Variants in CASP2 observed in about 807,000 individuals in gnomAD.
CASP2 encodes caspase-2.
A neutral mutation model predicts 54.4 loss-of-function variants in CASP2; 38 were observed. The ratio of observed to expected loss-of-function variants is 0.70; its 90% confidence interval spans 0.54 to 0.92. The LOEUF (loss-of-function observed/expected upper bound fraction) is 0.92, where lower values mean the gene tolerates loss of function less well. Among genes scored for constraint, CASP2 ranks in the 40% least tolerant of loss-of-function variants. The pLI is 0.00. For missense variants in CASP2, 512 were observed against 579.6 expected (o/e 0.88, Z 1.20); for synonymous variants, 215 against 216.3 (o/e 0.99, Z 0.05).
intron 8 of CASP2, chr7:143,302,487 C>CT (rs1801944157): frequency 6.6e-6 from 1 of 152,216 alleles, no homozygotes; most frequent in South Asian, 2.1e-4. Flanking sequence ...CTCCACCCCC[C>CT]TGCCCCAGTC....
chr7:143,288,549 A>G lies in CASP2; in HGVS notation c.74+20A>G, dbSNP rs768594969. 6.2e-7 allele frequency: 1 copy of G among 1,602,476 alleles called. No individual in the cohort carries two copies. Among genetic ancestry groups the G allele is most frequent in the East Asian group, 2.2e-5 (1 of 44,822 alleles). On this transcript the variant is annotated intron_variant, in intron 1 of 10. Transcript: ENST00000310447. Reference sequence around the variant, plus strand: ...ACGCAGGTAAGTAGGGAACGGTCTTAGGGCTCCTTAGGGGAGCCCAGGGAA... The same window carrying G: ...ACGCAGGTAAGTAGGGAACGGTCTTGGGGCTCCTTAGGGGAGCCCAGGGAA...
intron 8 of CASP2, chr7:143,300,585 T>C (rs1801887063): frequency 6.9e-7 from 1 of 1,449,936 alleles, no homozygotes; most frequent in South Asian, 1.2e-5. Flanking sequence ...CTCTTACTCT[T>C]TTCTGTGCTT....
chr7:143,300,533 T>C (rs4647321), intron 8 of CASP2: 95,286 of 1,549,532 alleles, frequency 0.061, 4,015 homozygotes, highest in African/African-American at 0.21. Context: ...ATATCCTGTT[T>C]TCAGGTCTCT....
rs1801441746 is a variant in CASP2, at chr7:143,288,391, G to A, written c.-65G>A. 6.5e-6 allele frequency: 10 copies of A among 1,527,836 alleles called. No individual in the cohort carries two copies. The highest frequency in any genetic ancestry group is 1.4e-5 in the African/African-American group (1 of 73,300). 94.6% of individuals were successfully genotyped at this position (1,527,836 alleles called of 1,614,324 possible). A position where few individuals can be genotyped will look rare whatever the true frequency, so the allele number is the denominator to read the frequency against. Reference sequence around the variant, plus strand: ...GTCTGAGGGGAGGGATGTGGGGGAAGCGACGGCCCCCGGTTTGTTTGGGCT... The same window carrying A: ...GTCTGAGGGGAGGGATGTGGGGGAAACGACGGCCCCCGGTTTGTTTGGGCT... On this transcript the variant is annotated 5_prime_UTR_variant, in exon 1 of 11. Coordinates refer to ENST00000310447, the MANE Select transcript of CASP2 (RefSeq NM_032982.4).
chr7:143,305,050 C>G lies in CASP2; in HGVS notation c.1338C>G (p.Phe446Leu), dbSNP rs1206230749. The G allele has an allele frequency of 6.2e-7, 1 of 1,614,214 alleles. No individual in the cohort carries two copies. Among genetic ancestry groups the G allele is most frequent in the Middle Eastern group, 1.6e-4 (1 of 6,062 alleles). Residue 446 changes from phenylalanine (F) to leucine (L), a missense_variant, in exon 11 of 11, where the codon TTC becomes TTG. Phe to Leu is a conservative substitution (Grantham distance 22). This residue lies in a region of CASP2 where 417 missense variants were observed against 495.4 expected (regional missense o/e 0.84). Transcript: ENST00000310447. ...CSTLCRHLYL[F>L]PGHPPT ...CTCTGTGCCGCCACCTCTACCTGTT[C>G]CCAGGACACCCTCCCACATGATGTC...
At chr7:143,294,474 A>T in intron 5 of CASP2, 123 bp from the exon 6 acceptor site, 1 of 1,119,122 alleles carries the variant, frequency 8.9e-7, no homozygotes, top group Admixed American at 1.7e-5. Context: ...GCATTTGTCT[A>T]TTTTTACCTG....
In CASP2 at chr7:143,304,737, T is replaced by A; in HGVS notation, c.1181T>A (p.Phe394Tyr). Residue 394 changes from phenylalanine to tyrosine, a missense_variant, in exon 10 of 11, where the codon TTT becomes TAT. By Grantham distance (22) the Phe-to-Tyr change is conservative. Around this residue, in one of 3 missense-constraint regions of CASP2, gnomAD observed 417 missense variants for 495.4 expected, o/e 0.84. Coordinates refer to ENST00000310447, the MANE Select transcript of CASP2 (RefSeq NM_032982.4). ...SWYIEALAQV[F>Y]SERACDMHVA... is the part of the protein sequence containing the mutation. Reference sequence around the variant, plus strand: ...TACATCGAGGCTCTTGCTCAAGTGTTTTCTGAGCGGGCTTGTGATATGCAC... The same window carrying A: ...TACATCGAGGCTCTTGCTCAAGTGTATTCTGAGCGGGCTTGTGATATGCAC... 6.2e-7 allele frequency: 1 copy of A among 1,614,188 alleles called. No individual in the cohort carries two copies. Among genetic ancestry groups the A allele is most frequent in the South Asian group, 1.1e-5 (1 of 91,076 alleles).
intron 8 of CASP2, chr7:143,300,731 T>G: frequency 8.4e-7 from 1 of 1,192,058 alleles, no homozygotes; most frequent in Non-Finnish European, 1.1e-6. Flanking sequence ...CTTCCCTGTT[T>G]ACCTACACTT....
intron 1 of CASP2, chr7:143,289,455 G>A (rs1801487495): frequency 6.3e-6 from 1 of 157,778 alleles, no homozygotes; most frequent in Non-Finnish European, 1.4e-5. Context: ...GGGTGAGATT[G>A]TCTAGGGAAA....
intron 4 of CASP2, among the ~76,000 whole-genome samples, chr7:143,293,512 G>GT (rs869216617): frequency 1.2e-3 from 167 of 142,072 alleles, no homozygotes; most frequent in Middle Eastern, 3.6e-3. Context: ...GTGGTTTTTT[G>GT]TTTTTTTTTT....
Position 143,290,315 on chromosome 7 carries a change from G to A in CASP2, c.75-1225G>A, listed in dbSNP as rs186392307. ...GACCTCAGGTGATCTGCCCACCTTA[G>A]CCTCCCAAAGTGCAGGGATTACAGG... On this transcript the variant is annotated intron_variant, in intron 1 of 10. Transcript: ENST00000310447. 2.0e-5 allele frequency among the ~76,000 whole-genome samples: 3 copies of A among 152,212 alleles called. No homozygotes were observed. The East Asian group carries it at 5.8e-4, about 29-fold the overall frequency.
chr7:143,299,374 G>C (rs112960946), intron 6 of CASP2, among the ~76,000 whole-genome samples: 1 of 152,110 alleles, frequency 6.6e-6, no homozygotes, highest in Non-Finnish European at 1.5e-5. Flanking sequence ...CCTTCATAGC[G>C]TGCTCTTTCT....
intron 6 of CASP2, among the ~76,000 whole-genome samples, chr7:143,296,393 A>G (rs183823166): frequency 1.3e-5 from 2 of 152,334 alleles, no homozygotes; most frequent in East Asian, 1.9e-4. Context: ...GTCCTCTTAT[A>G]TTCCTAACGA....
chr7:143,300,747 C>T (rs1384180115), intron 8 of CASP2: 4 of 1,189,030 alleles, frequency 3.4e-6, no homozygotes, highest in South Asian at 3.2e-5. Flanking sequence ...CACTTCCATG[C>T]TTGCCTCCTT....
At position 143,305,211 on chromosome 7, in the gene CASP2, C is replaced by T; in HGVS notation, c.*140C>T. The stretch of plus-strand genomic sequence containing the variant: ...ATCTCCCAGACTTGTTTCCTGTGCC[C>T]ATCATCTCTGCCTTTGAGTGTGGGA... On this transcript the variant is annotated 3_prime_UTR_variant, in exon 11 of 11. Coordinates refer to ENST00000310447, the MANE Select transcript of CASP2 (RefSeq NM_032982.4). 9.0e-7 allele frequency: 1 copy of T among 1,105,498 alleles called. No homozygotes were observed. Among genetic ancestry groups the T allele is most frequent in the Non-Finnish European group, 1.3e-6 (1 of 749,510 alleles). The allele number at this position is 1,105,498 out of a possible 1,614,324, so 68.5% of individuals were successfully genotyped here. A position where few individuals can be genotyped will look rare whatever the true frequency, so the allele number is the denominator to read the frequency against.
intron 5 of CASP2, 122 bp from the exon 6 acceptor site, chr7:143,294,474 AT>A (rs1467080175): frequency 3.6e-6 from 4 of 1,119,004 alleles, no homozygotes; most frequent in Non-Finnish European, 5.4e-6. Context: ...GCATTTGTCT[AT>A]TTTTACCTGC....
intron 9 of CASP2, 149 bp from the exon 10 acceptor site, chr7:143,304,525 A>C: frequency 1.4e-6 from 1 of 722,116 alleles, no homozygotes; most frequent in East Asian, 2.5e-5. Context: ...AAAGTATGCC[A>C]ATAATCCAAA....
intron 1 of CASP2, 104 bp from the exon 2 acceptor site, chr7:143,291,436 T>G: frequency 3.5e-6 from 4 of 1,139,804 alleles, no homozygotes; most frequent in Non-Finnish European, 2.7e-6. Context: ...TCTTGGTTAT[T>G]GTAAGTCTTA....
chr7:143,302,357 T>A (rs557306060), intron 8 of CASP2: 1 of 152,330 alleles, frequency 6.6e-6, no homozygotes, highest in African/African-American at 2.4e-5. Context: ...GCTCTGTCTC[T>A]CTAACTTTTC....
Sources: allele counts gnomAD v4.1 joint callset (sites outside exome capture counted in the v4.1 genomes callset), GRCh38; gene constraint gnomAD v4.1.1; regional missense constraint gnomAD v4.1.1; transcripts MANE v1.5; gene names NCBI Gene and HGNC (gene_info 2026-07-23, HGNC 2026-07-21).